The following TTC7B variants were observed in gnomAD, a reference collection of about 807,000 sequenced individuals.
The protein encoded by TTC7B is tetratricopeptide repeat protein 7B.
Under a neutral mutation model 106.8 loss-of-function variants are expected in TTC7B, and 28 were observed. The observed-to-expected ratio is 0.26, with a 90% CI of 0.19 to 0.36. The LOEUF (loss-of-function observed/expected upper bound fraction) is 0.36, where lower values mean the gene tolerates loss of function less well. Among genes scored for constraint, TTC7B ranks in the 10% least tolerant of loss-of-function variants. TTC7B has a pLI of 1.00. For synonymous variants in TTC7B, 405 were observed against 430.6 expected, an observed-to-expected ratio of 0.94 and a Z score of 0.74; for missense variants, 862 against 1,076.4, an observed-to-expected ratio of 0.80 and a Z score of 2.79.
intron 15 of TTC7B, 58 bp downstream of exon 15, chr14:90,643,990 G>A (rs1460153118): frequency 6.3e-7 from 1 of 1,591,226 alleles, no homozygotes; most frequent in Admixed American, 1.7e-5. Flanking sequence ...GAAGGCAGGG[G>A]AAGAAGTAAA....
intron 17 of TTC7B, among the ~76,000 whole-genome samples, chr14:90,604,326 A>T (rs1417870429): frequency 6.6e-6 from 1 of 152,252 alleles, no homozygotes; most frequent in African/African-American, 2.4e-5. Context: ...ATTTTAAGAA[A>T]TGCATGAAAA....
chr14:90,578,046 C>A lies in TTC7B; in HGVS notation c.2310+60G>T. The A allele has an allele frequency of 6.5e-7, 1 of 1,545,170 alleles. No individual in the cohort carries two copies. Among genetic ancestry groups the A allele is most frequent in the East Asian group, 2.4e-5 (1 of 41,754 alleles). On this transcript the variant is annotated intron_variant, in intron 19 of 19. Coordinates refer to ENST00000328459, the MANE Select transcript of TTC7B (RefSeq NM_001010854.2). This position sits in a 1 kb window ranked among gnomAD's most constrained non-coding sequence, Gnocchi z 4.7. ...GGGTGTGAGGGTCATGTGCTACCTGCCGCTTCCAAGGGCTGTCCCCATGCC... is the reference window on the plus strand; with the variant it reads ...GGGTGTGAGGGTCATGTGCTACCTGACGCTTCCAAGGGCTGTCCCCATGCC...
chr14:90,557,285 C>G (rs1566768160), intron 19 of TTC7B, among the ~76,000 whole-genome samples: 1 of 152,308 alleles, frequency 6.6e-6, no homozygotes, highest in East Asian at 1.9e-4. Context: ...TATGCTCCCC[C>G]TGCAGGAGAG....
chr14:90,601,640 A>G (rs1449893387), intron 17 of TTC7B, among the ~76,000 whole-genome samples: 1 of 152,192 alleles, frequency 6.6e-6, no homozygotes, highest in African/African-American at 2.4e-5. Context: ...AACAACTGCT[A>G]GGGCACCTGC....
chr14:90,616,785 G>A (rs1893098025), intron 16 of TTC7B, among the ~76,000 whole-genome samples: 2 of 152,100 alleles, frequency 1.3e-5, no homozygotes, highest in South Asian at 4.1e-4. Flanking sequence ...GCTGGTCTCT[G>A]CAGACCACGG....
At chr14:90,720,932 GA>G (rs1182877735) in intron 5 of TTC7B, among the ~76,000 whole-genome samples, 1 of 152,106 alleles carries the variant, frequency 6.6e-6, no homozygotes, top group Admixed American at 6.6e-5. Flanking sequence ...ATAAATATGT[GA>G]ATGGATAAAC....
intron 5 of TTC7B, among the ~76,000 whole-genome samples, chr14:90,729,112 T>C (rs1889226025): frequency 6.6e-6 from 1 of 152,222 alleles, no homozygotes; most frequent in African/African-American, 2.4e-5. Context: ...GCCAGAGGCC[T>C]CTGGACCAAA....
At chr14:90,754,823 T>C (rs1950899) in intron 3 of TTC7B, among the ~76,000 whole-genome samples, 147,158 of 152,308 alleles carry the variant, frequency 0.97, 71,246 homozygotes, top group Non-Finnish European at 1. Context: ...GAAATGAAAT[T>C]GTAAGGTATG....
At chr14:90,693,365 G>C (rs897666334) in intron 6 of TTC7B, among the ~76,000 whole-genome samples, 3 of 152,052 alleles carry the variant, frequency 2.0e-5, no homozygotes, top group Admixed American at 6.5e-5. Flanking sequence ...GAGTCAAATT[G>C]CTAACCAACC....
intron 17 of TTC7B, among the ~76,000 whole-genome samples, chr14:90,605,925 G>A (rs1210986116): frequency 6.6e-6 from 1 of 152,074 alleles, no homozygotes; most frequent in Non-Finnish European, 1.5e-5. Context: ...AGTGCTTTTC[G>A]AAGAAAACAA....
chr14:90,598,348 T>C (rs1432698721), intron 17 of TTC7B, among the ~76,000 whole-genome samples: 2 of 152,138 alleles, frequency 1.3e-5, no homozygotes, highest in Non-Finnish European at 2.9e-5. Flanking sequence ...CCCTCCCACC[T>C]AGATCCTCAA....
intron 15 of TTC7B, among the ~76,000 whole-genome samples, chr14:90,643,476 C>T (rs901697542): frequency 2.3e-4 from 35 of 152,022 alleles, no homozygotes; most frequent in Admixed American, 2.3e-3. Context: ...GTCTCATGTG[C>T]TCCAATGGTA....
At chr14:90,755,292 A>G (rs781465976) in intron 3 of TTC7B, among the ~76,000 whole-genome samples, 4 of 152,108 alleles carry the variant, frequency 2.6e-5, no homozygotes, top group Non-Finnish European at 5.9e-5. Flanking sequence ...ATTATTTTTC[A>G]TCTTTCTTCT....
In TTC7B at chr14:90,676,512, AG is replaced by A; in HGVS notation, c.1152+10del. The stretch of plus-strand genomic sequence containing the variant: ...CACCACCTGGATGTCAACCAGACTC[AG>A]CAGCTGTACCTCTGACAGCATCTCA... On this transcript the variant is annotated intron_variant, in intron 9 of 19. Transcript: ENST00000328459. 2 of 1,613,244 alleles carry A rather than the reference AG, an allele frequency of 1.2e-6. No individual in the cohort carries two copies. The highest frequency in any genetic ancestry group is 1.3e-5 in the African/African-American group (1 of 75,014).
chr14:90,529,925 A>G lies in TTC7B; in HGVS notation c.*11443T>C, dbSNP rs1889242120. ...TTTACTGACAAGAGAATATTAAGTG[A>G]AAAGATCCATACGGTGTTATAGATA... is the stretch of plus-strand genomic sequence containing the variant. On this transcript the variant is annotated 3_prime_UTR_variant, in exon 20 of 20. Coordinates refer to ENST00000328459, the MANE Select transcript of TTC7B (RefSeq NM_001010854.2). 6.6e-6 allele frequency: 1 copy of G among 152,192 alleles called. No homozygotes were observed. The highest frequency in any genetic ancestry group is 1.5e-5 in the Non-Finnish European group (1 of 68,032). The allele number at this position is 152,192 out of a possible 1,614,324, so 9.4% of individuals were successfully genotyped here. A position where few individuals can be genotyped will look rare whatever the true frequency, so the allele number is the denominator to read the frequency against.
At chr14:90,667,072 T>C (rs1242078743) in intron 9 of TTC7B, among the ~76,000 whole-genome samples, 2 of 152,248 alleles carry the variant, frequency 1.3e-5, no homozygotes, top group Non-Finnish European at 2.9e-5. Flanking sequence ...TTTTGGTCTT[T>C]TCAGTCTCTC....
At chr14:90,782,161 C>G (rs545374088) in intron 2 of TTC7B, among the ~76,000 whole-genome samples, 25 of 152,234 alleles carry the variant, frequency 1.6e-4, no homozygotes, top group Admixed American at 2.6e-4. Flanking sequence ...GGAGGGACAT[C>G]AGGCAGCATT....
chr14:90,574,935 A>T (rs1041248606), intron 19 of TTC7B, among the ~76,000 whole-genome samples: 17 of 152,050 alleles, frequency 1.1e-4, no homozygotes, highest in Non-Finnish European at 2.5e-4. Flanking sequence ...TGGCTCTTTG[A>T]TGCTCCCTAG....
intron 19 of TTC7B, among the ~76,000 whole-genome samples, chr14:90,555,395 G>A (rs1179967543): frequency 6.6e-6 from 1 of 152,188 alleles, no homozygotes; most frequent in Non-Finnish European, 1.5e-5. Flanking sequence ...GGTGACATAA[G>A]AGGACCTAGG....
Sources: allele counts gnomAD v4.1 joint callset (sites outside exome capture counted in the v4.1 genomes callset), GRCh38; gene constraint gnomAD v4.1.1; non-coding constraint Gnocchi (gnomAD v3.1); transcripts MANE v1.5; gene names NCBI Gene and HGNC (gene_info 2026-07-23, HGNC 2026-07-21).